The following ASB7 variants were observed in gnomAD, a reference collection of about 807,000 sequenced individuals.
ASB7 encodes ankyrin repeat and SOCS box protein 7.
ASB7 carries 4 observed loss-of-function variants against 32.5 expected under a neutral mutation model. The observed-to-expected ratio is 0.12, with a 90% CI of 0.06 to 0.28. ASB7 has a LOEUF of 0.28. ASB7 is among the 10% of genes least tolerant of loss of function. The probability of loss-of-function intolerance (pLI) is 1.00; values close to 1 mark genes in which losing one functional copy is unlikely to be tolerated. For missense variants in ASB7, 181 were observed against 407.1 expected (o/e 0.44, Z 4.78); for synonymous variants, 172 against 155.6 (o/e 1.11, Z -0.78).
chr15:100,626,239 CAAA>C (rs1256874265), intron 4 of ASB7, among the ~76,000 whole-genome samples: 1 of 152,118 alleles, frequency 6.6e-6, no homozygotes, highest in Non-Finnish European at 1.5e-5. Flanking sequence ...ACACATCTGA[CAAA>C]AGGCTTGTAT....
At chr15:100,611,558 A>AAAC (rs1245879061) in intron 3 of ASB7, among the ~76,000 whole-genome samples, 1 of 129,546 alleles carries the variant, frequency 7.7e-6, no homozygotes, top group Non-Finnish European at 1.6e-5. Context: ...CAGCTCAATG[A>AAAC]AACCTCCACC....
chr15:100,642,622 C>A lies in ASB7; in HGVS notation c.818-5701C>A, dbSNP rs78343511. 4.2e-4 allele frequency among the ~76,000 whole-genome samples: 64 copies of A among 152,346 alleles called. 2 individuals are homozygous for A. The East Asian group carries it at 6.7e-3, about 16-fold the overall frequency. ...CACTTTCAGGTCCCAGAGTCTCACT[C>A]AGTTATCTAATGCTGCAGAACTTTA... On this transcript the variant is annotated intron_variant, in intron 5 of 5. Transcript: ENST00000332783.
rs74956243 is a variant in ASB7 at position 100,626,878 on chromosome 15, T to C, written c.212-2559T>C. Among the ~76,000 whole-genome samples the C allele has an allele frequency of 3.6e-4, 55 of 152,304 alleles. No individual in the cohort carries two copies. In the East Asian group the frequency reaches 5.6e-3, roughly 15 times the overall value. On this transcript the variant is annotated intron_variant, in intron 4 of 5. Transcript: ENST00000332783. Reference sequence around the variant, plus strand: ...AAGTCTACATATGATTCTATTAATATGAATTTCCAGAAATGACAAAACTTT... The same window carrying C: ...AAGTCTACATATGATTCTATTAATACGAATTTCCAGAAATGACAAAACTTT...
chr15:100,615,526 G>A (rs1191791434), intron 4 of ASB7, among the ~76,000 whole-genome samples: 1 of 152,176 alleles, frequency 6.6e-6, no homozygotes, highest in African/African-American at 2.4e-5. Flanking sequence ...GAGAATGGCT[G>A]GAATTTTCAC....
intron 5 of ASB7, among the ~76,000 whole-genome samples, chr15:100,642,677 T>C (rs2039969455): frequency 6.6e-6 from 1 of 152,226 alleles, no homozygotes; most frequent in African/African-American, 2.4e-5. Flanking sequence ...GACATTTGTT[T>C]TACTTCCCTG....
chr15:100,628,858 C>G (rs1239997124), intron 4 of ASB7, among the ~76,000 whole-genome samples: 4 of 152,166 alleles, frequency 2.6e-5, no homozygotes, highest in African/African-American at 7.2e-5. Flanking sequence ...AGACTTCTAT[C>G]TTGTGAAAAA....
chr15:100,604,850 T>A (rs1397186848), intron 2 of ASB7, among the ~76,000 whole-genome samples: 1 of 152,256 alleles, frequency 6.6e-6, no homozygotes, highest in Non-Finnish European at 1.5e-5. Flanking sequence ...GATGGCCTAA[T>A]GATTACTTCA....
chr15:100,645,135 G>A lies in ASB7; in HGVS notation c.818-3188G>A, dbSNP rs189066743. ...TCCAAGTATGGTCTAGTGGGCCCTG[G>A]AGTCCCCAAGACCCTTTTAGGGTAA... is the stretch of plus-strand genomic sequence containing the variant. On this transcript the variant is annotated intron_variant, in intron 5 of 5. Coordinates refer to ENST00000332783, the MANE Select transcript of ASB7 (RefSeq NM_198243.3). Among the ~76,000 whole-genome samples, 588 of 152,250 alleles carry A rather than the reference G, an allele frequency of 3.9e-3. 1 individual carries two copies. Among genetic ancestry groups the A allele is most frequent in the Non-Finnish European group, 6.6e-3 (450 of 68,004 alleles).
At chr15:100,604,217 T>A (rs1406637618) in intron 2 of ASB7, among the ~76,000 whole-genome samples, 3 of 152,228 alleles carry the variant, frequency 2.0e-5, no homozygotes, top group Non-Finnish European at 4.4e-5. Context: ...AAGCATCTAA[T>A]TCATGTGATC....
At chr15:100,603,597 T>C (rs2039595500) in intron 2 of ASB7, among the ~76,000 whole-genome samples, 1 of 152,206 alleles carries the variant, frequency 6.6e-6, no homozygotes, top group South Asian at 2.1e-4. Context: ...GCTCTGAGGC[T>C]TTGAGACCTT....
chr15:100,638,636 G>A (rs138390158), intron 5 of ASB7, among the ~76,000 whole-genome samples: 10 of 152,298 alleles, frequency 6.6e-5, no homozygotes, highest in East Asian at 5.8e-4. Flanking sequence ...ATTTGTTGAC[G>A]AGTGTGAACA....
intron 2 of ASB7, among the ~76,000 whole-genome samples, chr15:100,603,887 T>G (rs1172191675): frequency 6.6e-6 from 1 of 152,206 alleles, no homozygotes. Flanking sequence ...CTGTGTACCT[T>G]AAGAGTGTGA....
rs946952467 is a variant in ASB7 at position 100,629,684 on chromosome 15, G to T, written c.459G>T (p.Pro153=). ...CACTCAGTGATAAAGGTACCACACC[G>T]CTTCAGCTCGCCATTATCCGAGAGA... ...VDPLSDKGTT[P]LQLAIIRERS... Residue 153 remains proline (P), a synonymous_variant, in exon 5 of 6, where the codon CCG becomes CCT. Coordinates refer to ENST00000332783, the MANE Select transcript of ASB7 (RefSeq NM_198243.3). This position sits in a 1 kb window ranked among gnomAD's most constrained non-coding sequence, Gnocchi z 6.8. 6.2e-7 allele frequency: 1 copy of T among 1,614,064 alleles called. No homozygotes were observed. Among genetic ancestry groups the T allele is most frequent in the African/African-American group, 1.3e-5 (1 of 74,900 alleles).
intron 5 of ASB7, among the ~76,000 whole-genome samples, chr15:100,647,136 C>A (rs953223783): frequency 6.6e-5 from 10 of 152,058 alleles, no homozygotes; most frequent in African/African-American, 2.4e-4. Context: ...TCTAAAATGT[C>A]TGTTTTAACT....
intron 4 of ASB7, among the ~76,000 whole-genome samples, chr15:100,614,282 AAAAAAAG>A (rs1323786376): frequency 6.6e-6 from 1 of 151,980 alleles, no homozygotes; most frequent in Non-Finnish European, 1.5e-5. Flanking sequence ...CAAAAAAAAA[AAAAAAAG>A]AAAGAAAGAA....
At chr15:100,616,211 A>G (rs572553925) in intron 4 of ASB7, among the ~76,000 whole-genome samples, 1 of 152,276 alleles carries the variant, frequency 6.6e-6, no homozygotes, top group South Asian at 2.1e-4. Flanking sequence ...ATGAGTAACA[A>G]ACATTGCAAG....
chr15:100,606,279 A>T (rs1237566317), intron 2 of ASB7, among the ~76,000 whole-genome samples: 1 of 152,168 alleles, frequency 6.6e-6, no homozygotes, highest in Non-Finnish European at 1.5e-5. Flanking sequence ...CTTTGCAAAG[A>T]AATGCTTATT....
intron 4 of ASB7, among the ~76,000 whole-genome samples, chr15:100,617,838 C>G (rs2039756840): frequency 6.6e-6 from 1 of 152,178 alleles, no homozygotes; most frequent in African/African-American, 2.4e-5. Context: ...AAACTAACAC[C>G]AGTTATCTAA....
At position 100,651,470 on chromosome 15, in the gene ASB7, G is replaced by A. The variant is rs1418459113; in HGVS notation, c.*3008G>A. On this transcript the variant is annotated 3_prime_UTR_variant, in exon 6 of 6. Transcript: ENST00000332783. ...GACTCGTCAGATGCACACCCCAAGA[G>A]ACAAGAATGTGTAGTTTAATGACCG... The A allele has an allele frequency of 6.6e-6, 1 of 152,134 alleles. No individual in the cohort carries two copies. The highest frequency in any genetic ancestry group is 1.5e-5 in the Non-Finnish European group (1 of 68,028). The allele number at this position is 152,134 out of a possible 1,614,324, so 9.4% of individuals were successfully genotyped here.
Sources: allele counts gnomAD v4.1 joint callset (sites outside exome capture counted in the v4.1 genomes callset), GRCh38; gene constraint gnomAD v4.1.1; non-coding constraint Gnocchi (gnomAD v3.1); transcripts MANE v1.5; gene names NCBI Gene and HGNC (gene_info 2026-07-23, HGNC 2026-07-21).